LRRC37A: variants seen among roughly 807,000 people sequenced by gnomAD.
LRRC37A encodes the protein leucine rich repeat containing 37A.
In LRRC37A, 3 loss-of-function variants were observed where a neutral mutation model predicts 35.4. The ratio of observed to expected loss-of-function variants is 0.08; its 90% CI spans 0.04 to 0.22. The LOEUF is 0.22. Ranked by LOEUF, LRRC37A falls within the 10% of genes least tolerant of loss-of-function variation. The probability of loss-of-function intolerance (pLI) is 1.00; values close to 1 mark genes in which losing one functional copy is unlikely to be tolerated. For synonymous variants in LRRC37A, 23 were observed against 215.0 expected, an observed-to-expected ratio of 0.11 and a Z score of 7.81; for missense variants, 67 against 565.3, an observed-to-expected ratio of 0.12 and a Z score of 8.94.
At chr17:46,279,931 G>T in the LRRC37A span, among the ~76,000 whole-genome samples, 21,731 of 151,974 alleles carry the variant, frequency 0.14, 1,882 homozygotes, top group Non-Finnish European at 0.22. Flanking sequence ...ATGAGTCATT[G>T]TCTTGCCCTA....
At chr17:46,292,250 T>A (rs549101805), upstream of LRRC37A, among the ~76,000 whole-genome samples, 6 of 75,718 alleles carry the variant, frequency 7.9e-5, 1 homozygote, top group African/African-American at 1.3e-4. Flanking sequence ...GAAAACCACT[T>A]GAACCCAGGA....
the LRRC37A span, among the ~76,000 whole-genome samples, chr17:46,261,374 G>A: frequency 6.6e-6 from 1 of 152,182 alleles, no homozygotes; most frequent in Non-Finnish European, 1.5e-5. Flanking sequence ...GGCCACTGGG[G>A]ACTGGCTATT....
the LRRC37A span, among the ~76,000 whole-genome samples, chr17:46,252,816 C>A: frequency 3.3e-5 from 5 of 152,208 alleles, no homozygotes; most frequent in Non-Finnish European, 7.4e-5. Flanking sequence ...TCAGTCCTTT[C>A]CCCACCTTTC....
the LRRC37A span, among the ~76,000 whole-genome samples, chr17:46,264,194 G>C: frequency 6.9e-6 from 1 of 144,326 alleles, no homozygotes; most frequent in Non-Finnish European, 1.5e-5. Context: ...GAATTCTTGA[G>C]CTCAAGTGAT....
At chr17:46,253,046 G>T in the LRRC37A span, among the ~76,000 whole-genome samples, 1 of 148,436 alleles carries the variant, frequency 6.7e-6, no homozygotes, top group African/African-American at 2.4e-5. Context: ...CGGTTGCCGG[G>T]CGGAGGGGCT....
At chr17:46,263,978 T>A in the LRRC37A span, among the ~76,000 whole-genome samples, 1 of 152,050 alleles carries the variant, frequency 6.6e-6, no homozygotes, top group Admixed American at 6.6e-5. Context: ...ATTACTGGTG[T>A]GGGCCACTGC....
At chr17:46,256,649 T>A in the LRRC37A span, among the ~76,000 whole-genome samples, 7 of 152,294 alleles carry the variant, frequency 4.6e-5, no homozygotes, top group African/African-American at 1.7e-4. Context: ...CCTCTTTACA[T>A]ATGATTAGCA....
At chr17:46,265,767 C>T in the LRRC37A span, among the ~76,000 whole-genome samples, 3 of 152,224 alleles carry the variant, frequency 2.0e-5, no homozygotes, top group Non-Finnish European at 4.4e-5. Flanking sequence ...CACGAGCCAC[C>T]ATGCCCGGCC....
At chr17:46,289,622 G>T (rs1416927832), upstream of LRRC37A, among the ~76,000 whole-genome samples, 1 of 152,178 alleles carries the variant, frequency 6.6e-6, no homozygotes, top group Non-Finnish European at 1.5e-5. Flanking sequence ...TTACAAGTGT[G>T]AGCCACTGTG....
At chr17:46,289,344 C>CTTT (rs1028918590), upstream of LRRC37A, among the ~76,000 whole-genome samples, 2 of 149,938 alleles carry the variant, frequency 1.3e-5, no homozygotes, top group African/African-American at 2.5e-5. Flanking sequence ...TGCCCAGCTA[C>CTTT]TTTTTTTTTT....
At chr17:46,275,812 A>G in the LRRC37A span, among the ~76,000 whole-genome samples, 1 of 152,264 alleles carries the variant, frequency 6.6e-6, no homozygotes, top group African/African-American at 2.4e-5. Flanking sequence ...ATTATGCTAA[A>G]ACAAAAGAAA....
At chr17:46,275,366 G>T in the LRRC37A span, 1 of 997,678 alleles carries the variant, frequency 1.0e-6, no homozygotes, top group South Asian at 1.3e-5. Flanking sequence ...TTTATGTTAG[G>T]TTAACATGCT....
chr17:46,280,921 G>A, the LRRC37A span, among the ~76,000 whole-genome samples: 4 of 152,200 alleles, frequency 2.6e-5, no homozygotes, highest in Non-Finnish European at 5.9e-5. Context: ...AGGGTACCCT[G>A]AGTCCTTACA....
intron 10 of LRRC37A, among the ~76,000 whole-genome samples, chr17:46,332,870 G>C (rs538416912): frequency 7.3e-5 from 11 of 150,408 alleles, no homozygotes; most frequent in African/African-American, 2.7e-4. Flanking sequence ...TCTGTGAATT[G>C]AAACCAAGTG....
chr17:46,274,617 A>G, the LRRC37A span, among the ~76,000 whole-genome samples: 5 of 152,356 alleles, frequency 3.3e-5, no homozygotes, highest in African/African-American at 1.2e-4. Flanking sequence ...TAATTAGTTG[A>G]CAAATGAGGG....
the LRRC37A span, among the ~76,000 whole-genome samples, chr17:46,255,681 GT>G: frequency 3.3e-4 from 38 of 114,446 alleles, 1 homozygote; most frequent in South Asian, 8.0e-4. Context: ...ATTGTTTTTT[GT>G]TTTTTTTTTT....
the LRRC37A span, among the ~76,000 whole-genome samples, chr17:46,284,229 A>C: frequency 1.6e-4 from 25 of 152,216 alleles, no homozygotes; most frequent in African/African-American, 6.0e-4. Flanking sequence ...AGACTATCAC[A>C]TGGGGAGAAA....
chr17:46,327,097 CAA>C lies in LRRC37A; in HGVS notation c.3054-1293_3054-1292del, dbSNP rs1174491733. Among the ~76,000 whole-genome samples, 3 of 86,502 alleles carry C rather than the reference CAA, an allele frequency of 3.5e-5. 1 individual carries two copies. The highest frequency in any genetic ancestry group is 9.2e-5 in the African/African-American group (3 of 32,706). The allele number at this position is 86,502 out of a possible 152,430, so 56.7% of individuals were successfully genotyped here. On this transcript the variant is annotated intron_variant, in intron 7 of 13. Coordinates refer to ENST00000320254, the Ensembl canonical transcript of LRRC37A. Reference sequence around the variant, plus strand: ...CATGACATTGGCATTTTTTAAGAGTCAAAGATAGCTGTCTTGTAAATTGTCCC... The same window carrying C: ...CATGACATTGGCATTTTTTAAGAGTCAGATAGCTGTCTTGTAAATTGTCCC...
At chr17:46,263,219 TAAAC>T in the LRRC37A span, among the ~76,000 whole-genome samples, 4 of 151,890 alleles carry the variant, frequency 2.6e-5, no homozygotes, top group South Asian at 2.1e-4. Context: ...CCTGTCTCAA[TAAAC>T]AAACAAACAA....
Sources: gnomAD v4.1 joint callset for allele counts (sites outside exome capture counted in the v4.1 genomes callset) on GRCh38, gnomAD v4.1.1 for gene constraint, MANE v1.5 for transcripts, NCBI Gene and HGNC (gene_info 2026-07-23, HGNC 2026-07-21) for gene names.